The following FAR2 variants were observed in gnomAD, a reference collection of about 807,000 sequenced individuals.
The protein encoded by FAR2 is epididymis secretory protein Li 81.
A neutral mutation model predicts 56.0 loss-of-function variants in FAR2; 19 were observed. That is an observed-to-expected ratio of 0.34 (90% CI 0.24 to 0.50). The LOEUF (loss-of-function observed/expected upper bound fraction) is 0.50. Ranked by LOEUF, FAR2 falls within the 20% of genes least tolerant of loss-of-function variation. The probability of loss-of-function intolerance (pLI) is 0.98; values close to 1 mark genes in which losing one functional copy is unlikely to be tolerated. For missense variants in FAR2, 508 were observed against 642.2 expected (o/e 0.79, Z 2.26); for synonymous variants, 219 against 218.8 (o/e 1.00, Z -0.01).
At chr12:29,165,396 A>G (rs1366067574) in intron 1 of FAR2, among the ~76,000 whole-genome samples, 1 of 152,238 alleles carries the variant, frequency 6.6e-6, no homozygotes, top group Non-Finnish European at 1.5e-5. Flanking sequence ...AGTTTGTCGC[A>G]TCAATCCCAG....
chr12:29,330,187 G>A (rs1181700008), intron 10 of FAR2, among the ~76,000 whole-genome samples: 1 of 151,382 alleles, frequency 6.6e-6, no homozygotes, highest in African/African-American at 2.4e-5. Context: ...CTCCCAAGTA[G>A]CTGCGACTAC....
intron 1 of FAR2, among the ~76,000 whole-genome samples, chr12:29,204,523 T>C (rs991849324): frequency 6.6e-6 from 1 of 152,178 alleles, no homozygotes; most frequent in Admixed American, 6.5e-5. Flanking sequence ...TTGTAAGGTG[T>C]GGTCTCCACA....
chr12:29,250,203 GTC>G (rs3032975), intron 1 of FAR2, among the ~76,000 whole-genome samples: 58,900 of 151,732 alleles, frequency 0.39, 11,649 homozygotes, highest in African/African-American at 0.47. Context: ...AACAAGATGT[GTC>G]TTCACTATGT....
At chr12:29,293,261 G>T (rs1366071875) in intron 2 of FAR2, 39 bp from the exon 3 acceptor site, 27 of 1,428,302 alleles carry the variant, frequency 1.9e-5, no homozygotes, top group African/African-American at 2.9e-5. Flanking sequence ...GATAATGATG[G>T]TGCTATTTTT....
intron 8 of FAR2, 93 bp from the exon 9 acceptor site, chr12:29,316,748 T>C (rs1949456858): frequency 2.4e-6 from 3 of 1,244,632 alleles, no homozygotes; most frequent in Middle Eastern, 1.9e-4. Flanking sequence ...AAATCCTTCG[T>C]CTTTATTGTT....
intron 1 of FAR2, among the ~76,000 whole-genome samples, chr12:29,242,248 G>T (rs7958210): frequency 6.6e-6 from 1 of 151,982 alleles, no homozygotes; most frequent in Non-Finnish European, 1.5e-5. Context: ...AAGACAAAAA[G>T]CTTCTTTAAA....
intron 10 of FAR2, among the ~76,000 whole-genome samples, chr12:29,325,452 T>G (rs1245783544): frequency 6.6e-6 from 1 of 152,218 alleles, no homozygotes. Flanking sequence ...TATACATTAT[T>G]TCCAGCACCA....
At chr12:29,183,201 C>T (rs1288207791) in intron 1 of FAR2, among the ~76,000 whole-genome samples, 1 of 152,168 alleles carries the variant, frequency 6.6e-6, no homozygotes, top group Non-Finnish European at 1.5e-5. Flanking sequence ...CCTCCTACCT[C>T]TGCAGTTGCT....
chr12:29,221,790 T>G (rs1349467940), intron 1 of FAR2, among the ~76,000 whole-genome samples: 2 of 152,238 alleles, frequency 1.3e-5, no homozygotes, highest in Admixed American at 1.3e-4. Flanking sequence ...TTAAACCTTT[T>G]ATTTTTAATG....
intron 1 of FAR2, among the ~76,000 whole-genome samples, chr12:29,234,691 G>A (rs1412139583): frequency 2.6e-5 from 4 of 151,968 alleles, no homozygotes; most frequent in Non-Finnish European, 5.9e-5. Context: ...TCCCTTTATG[G>A]TATAGCTCAT....
intron 1 of FAR2, among the ~76,000 whole-genome samples, chr12:29,265,379 T>C (rs1948496983): frequency 6.6e-6 from 1 of 152,148 alleles, no homozygotes; most frequent in Admixed American, 6.6e-5. Flanking sequence ...TCCACACACC[T>C]ACAGTAAATT....
intron 1 of FAR2, among the ~76,000 whole-genome samples, chr12:29,231,559 C>T (rs1269899113): frequency 6.6e-6 from 1 of 152,096 alleles, no homozygotes; most frequent in Non-Finnish European, 1.5e-5. Flanking sequence ...TTGTGAGAGA[C>T]ATTCTGAAAC....
At chr12:29,173,325 G>A (rs527585407) in intron 1 of FAR2, among the ~76,000 whole-genome samples, 1 of 152,136 alleles carries the variant, frequency 6.6e-6, no homozygotes, top group African/African-American at 2.4e-5. Context: ...CTGGCCAGGG[G>A]AGATTAGAGG....
intron 1 of FAR2, among the ~76,000 whole-genome samples, chr12:29,266,429 T>G (rs1295656320): frequency 6.6e-6 from 1 of 152,162 alleles, no homozygotes; most frequent in Non-Finnish European, 1.5e-5. Flanking sequence ...ATGTTCTCAC[T>G]TATTTGTAGG....
chr12:29,320,471 G>T (rs1232303849), intron 9 of FAR2, among the ~76,000 whole-genome samples: 3 of 152,136 alleles, frequency 2.0e-5, no homozygotes, highest in Admixed American at 1.3e-4. Flanking sequence ...AATTTCCTAT[G>T]ATACAGTAAG....
chr12:29,221,353 G>A (rs536903159), intron 1 of FAR2, among the ~76,000 whole-genome samples: 151 of 152,150 alleles, frequency 9.9e-4, no homozygotes, highest in Non-Finnish European at 1.6e-3. Flanking sequence ...ATTCCTGGTC[G>A]GGGCGGGGAG....
chr12:29,222,055 G>A (rs1947701398), intron 1 of FAR2, among the ~76,000 whole-genome samples: 1 of 152,022 alleles, frequency 6.6e-6, no homozygotes. Flanking sequence ...CACCATGTTG[G>A]GCAGGCTGGT....
intron 2 of FAR2, 41 bp from the exon 3 acceptor site, chr12:29,293,259 T>A (rs375926712): frequency 7.1e-7 from 1 of 1,416,022 alleles, no homozygotes. Flanking sequence ...GTGATAATGA[T>A]GGTGCTATTT....
At chr12:29,204,016 A>AG (rs1947449401) in intron 1 of FAR2, among the ~76,000 whole-genome samples, 1 of 149,628 alleles carries the variant, frequency 6.7e-6, no homozygotes, top group Non-Finnish European at 1.5e-5. Context: ...AAAAAAAAAA[A>AG]AAAAAAAGAA....
Sources: allele counts gnomAD v4.1 joint callset (sites outside exome capture counted in the v4.1 genomes callset), GRCh38; gene constraint gnomAD v4.1.1; transcripts MANE v1.5; gene names NCBI Gene and HGNC (gene_info 2026-07-23, HGNC 2026-07-21).